The following CFAP299 variants were observed in gnomAD, a reference collection of about 807,000 sequenced individuals.
CFAP299 encodes the protein cilia and flagella associated protein 299, also known as cilia- and flagella-associated protein 299.
In CFAP299, 21 loss-of-function variants were observed where a neutral mutation model predicts 27.0. The observed-to-expected ratio is 0.78, with a 90% CI of 0.55 to 1.12. The LOEUF is 1.12. Among genes scored for constraint, CFAP299 ranks in the 50% most tolerant of loss-of-function variants. CFAP299 has a pLI of 0.00. For synonymous variants in CFAP299, 104 were observed against 98.1 expected (o/e 1.06, Z -0.36); for missense variants, 310 against 276.6 (o/e 1.12, Z -0.86).
At chr4:80,462,845 A>G (rs984600432) in intron 2 of CFAP299, among the ~76,000 whole-genome samples, 1 of 152,172 alleles carries the variant, frequency 6.6e-6, no homozygotes, top group African/African-American at 2.4e-5. Flanking sequence ...AATGAATGAC[A>G]AAGTCCTAAT....
chr4:80,614,334 T>C (rs886230232), intron 3 of CFAP299, among the ~76,000 whole-genome samples: 5 of 152,212 alleles, frequency 3.3e-5, no homozygotes, highest in African/African-American at 9.7e-5. Context: ...GTGTGACTAA[T>C]AATGACCTTG....
intron 4 of CFAP299, among the ~76,000 whole-genome samples, chr4:80,902,172 T>C (rs1420557151): frequency 1.3e-5 from 2 of 151,656 alleles, no homozygotes; most frequent in African/African-American, 4.8e-5. Context: ...TTCCTATTAA[T>C]TAATAGGTAG....
At chr4:80,639,266 G>C (rs1739603490) in intron 3 of CFAP299, among the ~76,000 whole-genome samples, 1 of 152,132 alleles carries the variant, frequency 6.6e-6, no homozygotes, top group African/African-American at 2.4e-5. Flanking sequence ...ATGAGAAGTG[G>C]GCCCTTAATG....
intron 2 of CFAP299, among the ~76,000 whole-genome samples, chr4:80,579,705 A>G (rs1736069723): frequency 6.6e-6 from 1 of 152,138 alleles, no homozygotes. Context: ...AATAGTTATA[A>G]CAACAGCAAT....
chr4:80,389,003 TTG>T (rs917784306), intron 2 of CFAP299, among the ~76,000 whole-genome samples: 2 of 152,320 alleles, frequency 1.3e-5, no homozygotes, highest in African/African-American at 4.8e-5. Flanking sequence ...ACATGTGTTT[TTG>T]TGTGTTTAAC....
intron 2 of CFAP299, among the ~76,000 whole-genome samples, chr4:80,544,803 A>G (rs187405612): frequency 6.6e-6 from 1 of 152,292 alleles, no homozygotes; most frequent in Admixed American, 6.5e-5. Flanking sequence ...GTTAGATATT[A>G]TTGAGGCAGA....
intron 3 of CFAP299, among the ~76,000 whole-genome samples, chr4:80,690,963 G>T (rs1201598685): frequency 1.3e-5 from 2 of 149,494 alleles, no homozygotes; most frequent in Non-Finnish European, 3.0e-5. Context: ...TAAATTCCTT[G>T]ACACATACAC....
At chr4:80,698,027 T>C (rs900443126) in intron 3 of CFAP299, among the ~76,000 whole-genome samples, 4 of 152,180 alleles carry the variant, frequency 2.6e-5, no homozygotes, top group African/African-American at 4.8e-5. Flanking sequence ...TGAAGTAATA[T>C]CAAATATGAC....
chr4:80,870,827 C>A (rs1578202011), intron 4 of CFAP299: 10 of 984,810 alleles, frequency 1.0e-5, no homozygotes, highest in African/African-American at 1.7e-5. Context: ...TATAACAATA[C>A]CTACCTCCTC....
chr4:80,409,898 T>C (rs1287429893), intron 2 of CFAP299, among the ~76,000 whole-genome samples: 1 of 152,196 alleles, frequency 6.6e-6, no homozygotes, highest in East Asian at 1.9e-4. Flanking sequence ...AAGTAATCTC[T>C]GTGCTTTATT....
At chr4:80,502,280 A>G (rs79157188) in intron 2 of CFAP299, among the ~76,000 whole-genome samples, 5,575 of 152,180 alleles carry the variant, frequency 0.037, 361 homozygotes, top group African/African-American at 0.12. Flanking sequence ...AAAATCACCA[A>G]TGGCAATGAT....
chr4:80,404,765 G>C (rs1726330824), intron 2 of CFAP299, among the ~76,000 whole-genome samples: 1 of 152,106 alleles, frequency 6.6e-6, no homozygotes, highest in African/African-American at 2.4e-5. Context: ...ATATTTCTTT[G>C]AGAGCATGCT....
intron 2 of CFAP299, among the ~76,000 whole-genome samples, chr4:80,416,338 A>G (rs1174066619): frequency 6.6e-6 from 1 of 152,174 alleles, no homozygotes; most frequent in Non-Finnish European, 1.5e-5. Context: ...ATTTTATATT[A>G]TTTTTATTTT....
intron 2 of CFAP299, among the ~76,000 whole-genome samples, chr4:80,496,109 C>T (rs966500312): frequency 1.3e-5 from 2 of 152,208 alleles, no homozygotes; most frequent in Non-Finnish European, 2.9e-5. Context: ...CAAATTTCTC[C>T]AGCAAGTGGT....
intron 2 of CFAP299, among the ~76,000 whole-genome samples, chr4:80,478,734 A>G (rs1161075572): frequency 6.6e-6 from 1 of 151,896 alleles, no homozygotes; most frequent in Non-Finnish European, 1.5e-5. Flanking sequence ...TTAATAAAAA[A>G]TAAGATCTAA....
intron 2 of CFAP299, among the ~76,000 whole-genome samples, chr4:80,394,399 T>A (rs1725661631): frequency 6.6e-6 from 1 of 151,346 alleles, no homozygotes; most frequent in African/African-American, 2.4e-5. Flanking sequence ...TCCTTGGCTG[T>A]ACACAGTTTT....
chr4:80,792,050 A>G (rs1429441480), intron 3 of CFAP299, among the ~76,000 whole-genome samples: 1 of 152,062 alleles, frequency 6.6e-6, no homozygotes, highest in Non-Finnish European at 1.5e-5. Flanking sequence ...GAACATTTAT[A>G]TAATGTTATC....
intron 4 of CFAP299, among the ~76,000 whole-genome samples, chr4:80,879,698 T>C (rs2110175122): frequency 6.6e-6 from 1 of 152,326 alleles, no homozygotes; most frequent in Admixed American, 6.5e-5. Flanking sequence ...TCAAGATGTG[T>C]AATTTTAATT....
intron 2 of CFAP299, among the ~76,000 whole-genome samples, chr4:80,465,819 A>G (rs1047911695): frequency 6.6e-6 from 1 of 152,182 alleles, no homozygotes; most frequent in South Asian, 2.1e-4. Context: ...CTGTTCTTTC[A>G]TTGAACCTAC....
Sources: gnomAD v4.1 joint callset for allele counts (sites outside exome capture counted in the v4.1 genomes callset) on GRCh38, gnomAD v4.1.1 for gene constraint, MANE v1.5 for transcripts, NCBI Gene and HGNC (gene_info 2026-07-23, HGNC 2026-07-21) for gene names.